Variants in ENOX1 observed in about 807,000 individuals in gnomAD.
The protein encoded by ENOX1 is candidate growth-related and time keeping constitutive hydroquinone (NADH) oxidase.
In ENOX1, 42 loss-of-function variants were observed where a neutral mutation model predicts 82.5. That is an observed-to-expected ratio of 0.51 (90% CI 0.40 to 0.66). The LOEUF (loss-of-function observed/expected upper bound fraction) is 0.66, where lower values mean the gene tolerates loss of function less well. ENOX1 is among the 30% of genes least tolerant of loss of function. ENOX1 has a pLI of 0.00. For missense variants in ENOX1, 608 were observed against 811.6 expected, an observed-to-expected ratio of 0.75 and a Z score of 3.05; for synonymous variants, 271 against 282.2, an observed-to-expected ratio of 0.96 and a Z score of 0.40.
At position 43,417,333 on chromosome 13, in the gene ENOX1, C is replaced by T. The variant is rs114144330; in HGVS notation, c.-74-4345G>A. Among the ~76,000 whole-genome samples, 440 of 152,142 alleles carry T rather than the reference C, an allele frequency of 2.9e-3. 1 individual carries two copies. The highest frequency in any genetic ancestry group is 0.01 in the African/African-American group (424 of 41,508). ...CTACCATGTGCCTGGGATGGTGATT[C>T]TAAAGTAAGCTCTGTCACATCTTAG... is the stretch of plus-strand genomic sequence containing the variant. On this transcript the variant is annotated intron_variant, in intron 3 of 16. Coordinates refer to ENST00000690772, the MANE Select transcript of ENOX1 (RefSeq NM_001347969.2).
chr13:43,308,792 C>G (rs2047015928), intron 11 of ENOX1, among the ~76,000 whole-genome samples: 1 of 152,040 alleles, frequency 6.6e-6, no homozygotes, highest in Non-Finnish European at 1.5e-5. Flanking sequence ...TTCACACCTT[C>G]TGCTCTACAC....
chr13:43,581,470 T>C lies in ENOX1; in HGVS notation c.-219+86009A>G, dbSNP rs543285849. On this transcript the variant is annotated intron_variant, in intron 2 of 16. Transcript: ENST00000690772. ...TTAATGGCTTCCTCTGGCATCAATATTTCATCAGTTTTATTCCATCCCCAA... is the reference window on the plus strand; with the variant it reads ...TTAATGGCTTCCTCTGGCATCAATACTTCATCAGTTTTATTCCATCCCCAA... Among the ~76,000 whole-genome samples, 184 of 152,268 alleles carry C rather than the reference T, an allele frequency of 1.2e-3. 1 individual carries two copies. The highest frequency in any genetic ancestry group is 3.9e-3 in the African/African-American group (163 of 41,550).
At chr13:43,517,110 T>C (rs941366674) in intron 2 of ENOX1, among the ~76,000 whole-genome samples, 22 of 152,176 alleles carry the variant, frequency 1.4e-4, no homozygotes, top group African/African-American at 5.3e-4. Flanking sequence ...AAATAAACAA[T>C]GTGTGTTACA....
intron 2 of ENOX1, among the ~76,000 whole-genome samples, chr13:43,579,751 T>C (rs1267520989): frequency 2.0e-5 from 3 of 152,136 alleles, no homozygotes; most frequent in Non-Finnish European, 2.9e-5. Context: ...TGCAAAGACT[T>C]TGAGATCTTC....
intron 11 of ENOX1, among the ~76,000 whole-genome samples, chr13:43,313,220 T>G (rs2047307917): frequency 6.6e-6 from 1 of 152,220 alleles, no homozygotes; most frequent in Admixed American, 6.5e-5. Context: ...ACTCAACATT[T>G]CTGCCTGGTT....
chr13:43,355,861 G>A, intron 8 of ENOX1, 58 bp downstream of exon 8: 2 of 1,518,032 alleles, frequency 1.3e-6, no homozygotes, highest in African/African-American at 1.4e-5. Flanking sequence ...GAAACGCACA[G>A]GGTTCCGTGT....
chr13:43,285,934 T>C (rs1298296062), intron 12 of ENOX1, among the ~76,000 whole-genome samples: 1 of 150,934 alleles, frequency 6.6e-6, no homozygotes, highest in East Asian at 2.0e-4. Context: ...CTTTCATTTC[T>C]GATGAGAAGG....
At chr13:43,575,862 T>G (rs748199236) in intron 2 of ENOX1, among the ~76,000 whole-genome samples, 1 of 152,210 alleles carries the variant, frequency 6.6e-6, no homozygotes. Context: ...GGGATGATGT[T>G]CACTTTGATT....
At chr13:43,482,455 G>A (rs1302413852) in intron 3 of ENOX1, among the ~76,000 whole-genome samples, 7 of 152,180 alleles carry the variant, frequency 4.6e-5, no homozygotes, top group African/African-American at 2.4e-5. Flanking sequence ...AGGTAAAATT[G>A]TAGTTGCCAG....
intron 14 of ENOX1, among the ~76,000 whole-genome samples, chr13:43,260,759 G>A (rs2044008633): frequency 6.6e-6 from 1 of 152,198 alleles, no homozygotes. Flanking sequence ...TCCTAGGAAC[G>A]TGGAGATAGC....
rs75049692 is a variant in ENOX1, at chr13:43,508,512, G to A, written c.-218-24360C>T. Among the ~76,000 whole-genome samples, 1,320 of 151,944 alleles carry A rather than the reference G, an allele frequency of 8.7e-3. 6 individuals carry two copies. The highest frequency in any genetic ancestry group is 0.013 in the Non-Finnish European group (893 of 67,926). ...TCTCATCTTAAAAAGGAATCATTTGGTACTGTATATGATTGAGATAGAAAT... is the reference window on the plus strand; with the variant it reads ...TCTCATCTTAAAAAGGAATCATTTGATACTGTATATGATTGAGATAGAAAT... On this transcript the variant is annotated intron_variant, in intron 2 of 16. Coordinates refer to ENST00000690772, the MANE Select transcript of ENOX1 (RefSeq NM_001347969.2).
At chr13:43,621,134 C>T (rs905062533) in intron 2 of ENOX1, among the ~76,000 whole-genome samples, 5 of 152,112 alleles carry the variant, frequency 3.3e-5, no homozygotes, top group Admixed American at 3.3e-4. Context: ...TATGTGAGTC[C>T]TTATGTGCGA....
At chr13:43,670,851 AAACAACAACAAC>A (rs59254437) in intron 1 of ENOX1, among the ~76,000 whole-genome samples, 49 of 150,324 alleles carry the variant, frequency 3.3e-4, no homozygotes, top group East Asian at 4.0e-4. Context: ...TCAAACAACA[AAACAACAACAAC>A]AACAACAACA....
chr13:43,399,536 A>C (rs1375185432), intron 5 of ENOX1, among the ~76,000 whole-genome samples: 1 of 152,218 alleles, frequency 6.6e-6, no homozygotes, highest in African/African-American at 2.4e-5. Context: ...GTGCCTTCCT[A>C]AACTGCTCTC....
chr13:43,714,838 C>A (rs1194968166), intron 1 of ENOX1, among the ~76,000 whole-genome samples: 2 of 152,022 alleles, frequency 1.3e-5, no homozygotes, highest in Non-Finnish European at 2.9e-5. Context: ...TCCTGAATAG[C>A]ACACTGATGG....
chr13:43,255,746 A>C (rs542068885), intron 14 of ENOX1, among the ~76,000 whole-genome samples: 3 of 152,294 alleles, frequency 2.0e-5, no homozygotes, highest in Admixed American at 2.0e-4. Flanking sequence ...CAATTATGAA[A>C]GACTGATGAA....
intron 1 of ENOX1, among the ~76,000 whole-genome samples, chr13:43,709,162 C>A (rs1483220197): frequency 4.0e-5 from 6 of 151,814 alleles, no homozygotes; most frequent in Non-Finnish European, 8.8e-5. Context: ...ATGCAAAAGG[C>A]GAATTAGTAT....
At chr13:43,676,586 T>C (rs1396150451) in intron 1 of ENOX1, among the ~76,000 whole-genome samples, 1 of 151,914 alleles carries the variant, frequency 6.6e-6, no homozygotes. Context: ...TCTAGTTGAT[T>C]TGCAGACTTC....
intron 1 of ENOX1, among the ~76,000 whole-genome samples, chr13:43,675,182 G>C (rs957647273): frequency 1.3e-5 from 2 of 152,204 alleles, no homozygotes; most frequent in Non-Finnish European, 2.9e-5. Flanking sequence ...AACAGAGGCT[G>C]ATGATGGTGG....
Sources: gnomAD v4.1 joint callset for allele counts (sites outside exome capture counted in the v4.1 genomes callset) on GRCh38, gnomAD v4.1.1 for gene constraint, MANE v1.5 for transcripts, NCBI Gene and HGNC (gene_info 2026-07-23, HGNC 2026-07-21) for gene names.